The following ZBTB38 variants were observed in gnomAD, a reference collection of about 807,000 sequenced individuals.
ZBTB38 encodes zinc finger and BTB domain-containing protein 38.
Under a neutral mutation model 76.8 loss-of-function variants are expected in ZBTB38, and 20 were observed. The observed-to-expected ratio is 0.26, with a 90% CI of 0.18 to 0.38. The LOEUF (loss-of-function observed/expected upper bound fraction) is 0.38. ZBTB38 is among the 10% of genes least tolerant of loss of function. The probability of loss-of-function intolerance (pLI) is 1.00; values close to 1 mark genes in which losing one functional copy is unlikely to be tolerated. For missense variants in ZBTB38, 1,082 were observed against 1,482.3 expected, an observed-to-expected ratio of 0.73 and a Z score of 4.43; for synonymous variants, 504 against 544.2, an observed-to-expected ratio of 0.93 and a Z score of 1.03.
At chr3:141,346,786 G>T (rs1012672025) in intron 1 of ZBTB38, among the ~76,000 whole-genome samples, 20 of 130,790 alleles carry the variant, frequency 1.5e-4, no homozygotes, top group Non-Finnish European at 2.2e-4. Flanking sequence ...TTTGTTTTGT[G>T]TGTGTGTGTG....
At position 141,337,106 on chromosome 3, in the gene ZBTB38, G is replaced by A. The variant is rs543306222; in HGVS notation, c.-739+12650G>A. ...TCCCCGCTTCTCTGAGGAAGTGAGAGTAACTGACATGGTTTCTACCTTCAA... is the reference window on the plus strand; with the variant it reads ...TCCCCGCTTCTCTGAGGAAGTGAGAATAACTGACATGGTTTCTACCTTCAA... On this transcript the variant is annotated intron_variant, in intron 1 of 7. Transcript: ENST00000509842. Among the ~76,000 whole-genome samples the A allele has an allele frequency of 3.3e-5, 5 of 152,314 alleles. No individual in the cohort carries two copies. In the South Asian group the frequency reaches 8.3e-4, roughly 25 times the overall value.
intron 5 of ZBTB38, chr3:141,434,051 C>A: frequency 3.7e-6 from 1 of 269,156 alleles, no homozygotes; most frequent in Non-Finnish European, 5.7e-6. Context: ...GATTGTCATG[C>A]CTACAGGTGC....
intron 1 of ZBTB38, among the ~76,000 whole-genome samples, chr3:141,330,661 G>T (rs1488708183): frequency 6.6e-6 from 1 of 152,184 alleles, no homozygotes; most frequent in Non-Finnish European, 1.5e-5. Flanking sequence ...CAAAATTCAC[G>T]TGGAAACTTA....
At chr3:141,379,675 G>A (rs1480672392) in intron 2 of ZBTB38, among the ~76,000 whole-genome samples, 1 of 152,120 alleles carries the variant, frequency 6.6e-6, no homozygotes, top group African/African-American at 2.4e-5. Context: ...ACTGAACAAC[G>A]GAAAATGAAA....
rs576922015 is a variant in ZBTB38, at chr3:141,396,666, G to T, written c.-105-7261G>T. Among the ~76,000 whole-genome samples, 52 of 152,254 alleles carry T rather than the reference G, an allele frequency of 3.4e-4. No individual in the cohort carries two copies. The East Asian group carries it at 8.5e-3, about 25-fold the overall frequency. Reference sequence around the variant, plus strand: ...GCCTTATGAAATATATTTTTAATAAGACTTGAAAGTCAAAATTATTCTTTG... The same window carrying T: ...GCCTTATGAAATATATTTTTAATAATACTTGAAAGTCAAAATTATTCTTTG... On this transcript the variant is annotated intron_variant, in intron 4 of 5. Coordinates refer to ENST00000321464, the MANE Select transcript of ZBTB38 (RefSeq NM_001376113.1).
chr3:141,346,509 T>A (rs903076976), intron 1 of ZBTB38, among the ~76,000 whole-genome samples: 1 of 152,182 alleles, frequency 6.6e-6, no homozygotes, highest in Non-Finnish European at 1.5e-5. Context: ...CTTTCATTCA[T>A]CCAAGCTATT....
intron 5 of ZBTB38, chr3:141,438,099 A>G (rs1419796351): frequency 2.0e-5 from 3 of 151,742 alleles, no homozygotes; most frequent in Non-Finnish European, 2.9e-5. Flanking sequence ...GTCTTTCTAT[A>G]GCACTTAGCT....
At chr3:141,330,852 C>A (rs1259851447) in intron 1 of ZBTB38, among the ~76,000 whole-genome samples, 2 of 152,182 alleles carry the variant, frequency 1.3e-5, no homozygotes, top group Non-Finnish European at 2.9e-5. Context: ...CCTTGTGCTA[C>A]CCCAGGACTC....
chr3:141,326,161 T>G (rs1942668934), intron 1 of ZBTB38, among the ~76,000 whole-genome samples: 1 of 152,222 alleles, frequency 6.6e-6, no homozygotes, highest in African/African-American at 2.4e-5. Context: ...TCAAAGTAAT[T>G]CTATGAGATA....
chr3:141,399,442 C>T (rs1231059148), intron 4 of ZBTB38, among the ~76,000 whole-genome samples: 1 of 152,142 alleles, frequency 6.6e-6, no homozygotes, highest in African/African-American at 2.4e-5. Context: ...CTACCAAACA[C>T]ACACATCACA....
intron 2 of ZBTB38, among the ~76,000 whole-genome samples, chr3:141,375,904 G>T (rs141693100): frequency 0.01 from 1,550 of 152,316 alleles, 15 homozygotes; most frequent in Middle Eastern, 0.027. Flanking sequence ...GACAGCAGGA[G>T]AGTAGGAGCA....
chr3:141,413,911 G>C lies in ZBTB38; in HGVS notation c.-1+9880G>C, dbSNP rs1297130344. The stretch of plus-strand genomic sequence containing the variant: ...ATGGACAAACTAAAGGGATCCTTAA[G>C]AAATAGTATGTCACCCAAATATATT... On this transcript the variant is annotated intron_variant, in intron 5 of 5. Coordinates refer to ENST00000321464, the MANE Select transcript of ZBTB38 (RefSeq NM_001376113.1). This position sits in a 1 kb window ranked among gnomAD's most constrained non-coding sequence, Gnocchi z 4.1. Among the ~76,000 whole-genome samples the C allele has an allele frequency of 6.6e-6, 1 of 152,192 alleles. No homozygotes were observed. The highest frequency in any genetic ancestry group is 1.5e-5 in the Non-Finnish European group (1 of 68,024).
chr3:141,378,937 G>A (rs1309133333), intron 2 of ZBTB38, among the ~76,000 whole-genome samples: 1 of 152,170 alleles, frequency 6.6e-6, no homozygotes, highest in African/African-American at 2.4e-5. Flanking sequence ...TTTCTGGAAT[G>A]GCTCTTTGCT....
chr3:141,362,959 T>G lies in ZBTB38; in HGVS notation c.-738-5662T>G, dbSNP rs146784987. Among the ~76,000 whole-genome samples the G allele has an allele frequency of 2.5e-4, 38 of 152,154 alleles. No individual in the cohort carries two copies. In the East Asian group the frequency reaches 7.1e-3, roughly 29 times the overall value. On this transcript the variant is annotated intron_variant, in intron 1 of 7. Coordinates refer to the ZBTB38 transcript ENST00000509842. ...GTTACATATGCATTATCTTATTTAATCTGCATAACAAACCCATGAGGTGGT... is the reference window on the plus strand; with the variant it reads ...GTTACATATGCATTATCTTATTTAAGCTGCATAACAAACCCATGAGGTGGT...
rs191228286 is a variant in ZBTB38, at chr3:141,341,584, A to G, written c.-739+17128A>G. Among the ~76,000 whole-genome samples the G allele has an allele frequency of 8.5e-5, 13 of 152,380 alleles. No homozygotes were observed. The East Asian group carries it at 2.5e-3, about 29-fold the overall frequency. On this transcript the variant is annotated intron_variant, in intron 1 of 7. Transcript: ENST00000509842. ...AAGGGCAGAATCCTGTGAAGCACCA[A>G]TACTGAAAAGACAAGTAGCAAAGGA...
chr3:141,439,264 T>G (rs2079551647), intron 5 of ZBTB38, among the ~76,000 whole-genome samples: 1 of 152,160 alleles, frequency 6.6e-6, no homozygotes, highest in African/African-American at 2.4e-5. Context: ...TATTAACATA[T>G]TTGCTGGATA....
In ZBTB38 at chr3:141,442,833, A is replaced by C; in HGVS notation, c.445A>C (p.Asn149His). ...TEKGVVKEEKNEKRHEEPAIT... is the reference protein window; with the variant it reads ...TEKGVVKEEKHEKRHEEPAIT... The stretch of plus-strand genomic sequence containing the variant: ...AAAGGGAGTGGTTAAAGAAGAAAAA[A>C]ATGAAAAAAGGCATGAAGAACCAGC... Residue 149 changes from asparagine to histidine, a missense_variant, in exon 6 of 6, where the codon AAT (asparagine) becomes CAT (histidine). Asn to His is a moderately conservative substitution (Grantham distance 68). Around this residue, in one of 8 missense-constraint regions of ZBTB38, gnomAD observed 34 missense variants for 40.4 expected, o/e 0.84. Transcript: ENST00000321464. The surrounding 1 kb of genome is among the most constrained non-coding windows in gnomAD (Gnocchi z 6.4). 7 of 1,614,226 alleles carry C rather than the reference A, an allele frequency of 4.3e-6. No homozygotes were observed. Among genetic ancestry groups the C allele is most frequent in the Non-Finnish European group, 5.9e-6 (7 of 1,180,036 alleles).
upstream of ZBTB38, among the ~76,000 whole-genome samples, chr3:141,368,009 G>A (rs980261035): frequency 6.6e-6 from 1 of 152,238 alleles, no homozygotes; most frequent in Admixed American, 6.5e-5. Flanking sequence ...AGAGGCAGAG[G>A]AGAATAGACA....
chr3:141,445,568 C>T lies in ZBTB38; in HGVS notation c.3180C>T (p.His1060=), dbSNP rs775646385. 17 of 1,614,090 alleles carry T rather than the reference C, an allele frequency of 1.1e-5. No homozygotes were observed. Among genetic ancestry groups the T allele is most frequent in the Non-Finnish European group, 1.4e-5 (16 of 1,180,046 alleles). ...ACTTACAGAAACATGAACGCATCCA[C>T]CTGGGCTTGAAGGAGTTCGTCTGTC... is the stretch of plus-strand genomic sequence containing the variant. ...QGNLQKHERI[H]LGLKEFVCQY... Residue 1060 remains histidine (H), a synonymous_variant, in exon 6 of 6, where the codon CAC becomes CAT. Coordinates refer to ENST00000321464, the MANE Select transcript of ZBTB38 (RefSeq NM_001376113.1). The surrounding 1 kb of genome is among the most constrained non-coding windows in gnomAD (Gnocchi z 6.5).
Sources: allele counts gnomAD v4.1 joint callset (sites outside exome capture counted in the v4.1 genomes callset), GRCh38; gene constraint gnomAD v4.1.1; regional missense constraint gnomAD v4.1.1; non-coding constraint Gnocchi (gnomAD v3.1); transcripts MANE v1.5; gene names NCBI Gene and HGNC (gene_info 2026-07-23, HGNC 2026-07-21).